BRPF3: variants seen among roughly 807,000 people sequenced by gnomAD.
The protein encoded by BRPF3 is bromodomain and PHD finger-containing protein 3.
Under a neutral mutation model 102.0 loss-of-function variants are expected in BRPF3, and 18 were observed. The ratio of observed to expected loss-of-function variants is 0.18; its 90% confidence interval spans 0.12 to 0.26. The LOEUF is 0.26. BRPF3 is among the 10% of genes least tolerant of loss of function. The pLI, the probability that BRPF3 is intolerant of heterozygous loss-of-function variation, is 1.00. For missense variants in BRPF3, 1,147 were observed against 1,567.8 expected (o/e 0.73, Z 4.53); for synonymous variants, 570 against 614.2 (o/e 0.93, Z 1.06).
In BRPF3 at chr6:36,210,144, G is replaced by A. The variant is rs1296486645; in HGVS notation, c.1867-72G>A. On this transcript the variant is annotated intron_variant, in intron 5 of 12. Transcript: ENST00000357641. The surrounding 1 kb of genome is among the most constrained non-coding windows in gnomAD (Gnocchi z 4.7). ...CCAAATCAGAAATTGAGGAGGCCAA[G>A]AGTATTGGTGAAGGGTGTGTCTGTT... is the stretch of plus-strand genomic sequence containing the variant. The A allele has an allele frequency of 1.9e-6, 3 of 1,560,854 alleles. No individual in the cohort carries two copies. Among genetic ancestry groups the A allele is most frequent in the Non-Finnish European group, 2.6e-6 (3 of 1,133,998 alleles).
Position 36,208,511 on chromosome 6 carries a change from C to T in BRPF3, c.1737+1067C>T, listed in dbSNP as rs943799810. ...AAAAAAGATGTTTCTTTCTCTTTCTCCAAATTCTAATTCAGTGGTCAGCCT... is the reference window on the plus strand; with the variant it reads ...AAAAAAGATGTTTCTTTCTCTTTCTTCAAATTCTAATTCAGTGGTCAGCCT... On this transcript the variant is annotated intron_variant, in intron 4 of 12. Coordinates refer to ENST00000357641, the MANE Select transcript of BRPF3 (RefSeq NM_015695.3). Among the ~76,000 whole-genome samples the T allele has an allele frequency of 4.6e-5, 7 of 152,336 alleles. No homozygotes were observed. In the East Asian group the frequency reaches 1.2e-3, roughly 25 times the overall value.
rs1768938000 is a variant in BRPF3 at position 36,231,447 on chromosome 6, C to G, written c.*838C>G. ...CTTTGCTGCCACGAGGTGGTCCAAG[C>G]CTTCAGGGTGGGCTCCTATCAGGCT... On this transcript the variant is annotated 3_prime_UTR_variant, in exon 13 of 13. Coordinates refer to ENST00000357641, the MANE Select transcript of BRPF3 (RefSeq NM_015695.3). 6.6e-6 allele frequency: 1 copy of G among 152,282 alleles called. No homozygotes were observed. The highest frequency in any genetic ancestry group is 2.4e-5 in the African/African-American group (1 of 41,436). The allele number at this position is 152,282 out of a possible 1,614,324, so 9.4% of individuals were successfully genotyped here.
chr6:36,217,024 C>T (rs1011619067), intron 8 of BRPF3, among the ~76,000 whole-genome samples: 13 of 152,178 alleles, frequency 8.5e-5, no homozygotes, highest in African/African-American at 2.9e-4. Flanking sequence ...GGCAACAGAG[C>T]GAGACCCTAT....
rs117256828 is a variant in BRPF3, at chr6:36,230,054, C to T, written c.3435-372C>T. On this transcript the variant is annotated intron_variant, in intron 12 of 12. Transcript: ENST00000357641. The surrounding 1 kb of genome is among the most constrained non-coding windows in gnomAD (Gnocchi z 5.4). ...GGCATCAGCTCTACTTCCTAGCCAT[C>T]GCCCCCTAATTCTCCAACGCAAGGC... 5.3e-4 allele frequency among the ~76,000 whole-genome samples: 81 copies of T among 152,320 alleles called. No homozygotes were observed. In the East Asian group the frequency reaches 0.012, roughly 23 times the overall value.
rs988832397 is a variant in BRPF3, at chr6:36,211,539, C to T, written c.2461C>T (p.Pro821Ser). 3.9e-6 allele frequency: 6 copies of T among 1,554,466 alleles called. No individual in the cohort carries two copies. Among genetic ancestry groups the T allele is most frequent in the Non-Finnish European group, 5.2e-6 (6 of 1,148,524 alleles). ...AVLEQALQEE[P>S]EDDGDRDDSK... The stretch of plus-strand genomic sequence containing the variant: ...GCTGGAGCAGGCCTTGCAGGAGGAG[C>T]CAGAAGACGATGGGGACAGAGGTGA... Residue 821 changes from proline to serine, a missense_variant, in exon 7 of 13, where the codon CCA (proline) becomes TCA (serine). Physicochemically the swap from Pro to Ser is moderately conservative, Grantham distance 74. Around this residue, in one of 11 missense-constraint regions of BRPF3, gnomAD observed 379 missense variants for 426.3 expected, o/e 0.89. Coordinates refer to ENST00000357641, the MANE Select transcript of BRPF3 (RefSeq NM_015695.3).
At chr6:36,229,392 A>G (rs568641075) in intron 12 of BRPF3, among the ~76,000 whole-genome samples, 2 of 152,310 alleles carry the variant, frequency 1.3e-5, no homozygotes, top group South Asian at 2.1e-4. Flanking sequence ...TGGCTCAACA[A>G]GATAAGAGAT....
intron 7 of BRPF3, among the ~76,000 whole-genome samples, chr6:36,211,954 T>G (rs1040491601): frequency 1.3e-5 from 2 of 152,136 alleles, no homozygotes; most frequent in South Asian, 2.1e-4. Context: ...CAGCCTACCT[T>G]GTAACATCAC....
chr6:36,230,461 G>A lies in BRPF3; in HGVS notation c.3470G>A (p.Gly1157Asp). 6.2e-7 allele frequency: 1 copy of A among 1,614,180 alleles called. No individual in the cohort carries two copies. The highest frequency in any genetic ancestry group is 8.5e-7 in the Non-Finnish European group (1 of 1,180,022). ...WLPRDKVLPL[G>D]VEDTVDKLKM... The stretch of plus-strand genomic sequence containing the variant: ...CCAAGGGACAAAGTCCTGCCCTTGG[G>A]TGTGGAAGACACCGTGGACAAGCTC... Residue 1157 changes from glycine (G) to aspartate (D), a missense_variant, in exon 13 of 13, where the codon GGT becomes GAT. Gly to Asp is a moderately conservative substitution (Grantham distance 94). Coordinates refer to ENST00000357641, the MANE Select transcript of BRPF3 (RefSeq NM_015695.3). This position sits in a 1 kb window ranked among gnomAD's most constrained non-coding sequence, Gnocchi z 5.4.
rs971421169 is a variant in BRPF3 at position 36,196,746 on chromosome 6, G to A, written c.-251G>A. ...CTCCCTCCCCTCGGCCGGGCTCCGT[G>A]GCGGCAGCGGCAGCAGCGGCGGCTC... is the stretch of plus-strand genomic sequence containing the variant. On this transcript the variant is annotated 5_prime_UTR_variant, in exon 1 of 13. Transcript: ENST00000357641. The A allele has an allele frequency of 6.5e-6, 1 of 153,102 alleles. No individual in the cohort carries two copies. The highest frequency in any genetic ancestry group is 6.6e-5 in the Admixed American group (1 of 15,164). The allele number at this position is 153,102 out of a possible 1,614,324, so 9.5% of individuals were successfully genotyped here.
In BRPF3 at chr6:36,209,776, C is replaced by T. The variant is rs767686704; in HGVS notation, c.1738-11C>T. ...ATGTTCTGATCTGATCTCACCCCAC[C>T]TTCCCCACAGGTCAAAGTCCAGCAG... On this transcript the variant is annotated splice_polypyrimidine_tract_variant and intron_variant, in intron 4 of 12. Transcript: ENST00000357641. 1.2e-6 allele frequency: 2 copies of T among 1,613,370 alleles called. No individual in the cohort carries two copies. The highest frequency in any genetic ancestry group is 1.7e-6 in the Non-Finnish European group (2 of 1,179,572).
At chr6:36,207,616 C>T (rs966408801) in intron 4 of BRPF3, among the ~76,000 whole-genome samples, 172 bp downstream of exon 4, 1 of 152,198 alleles carries the variant, frequency 6.6e-6, no homozygotes, top group Non-Finnish European at 1.5e-5. Context: ...TGTGGTGCTA[C>T]TGATGGTTTC....
At position 36,211,370 on chromosome 6, in the gene BRPF3, C is replaced by T. The variant is rs993864212; in HGVS notation, c.2292C>T (p.Arg764=). The T allele has an allele frequency of 6.2e-7, 1 of 1,614,250 alleles. No individual in the cohort carries two copies. Residue 764 remains arginine (R), a synonymous_variant, in exon 7 of 13, where the codon CGC becomes CGT. Transcript: ENST00000357641. ...LVSAMRSSGA[R]TRRVRLLRRE... ...GCGCCATGCGGTCCAGTGGGGCCCG[C>T]ACCCGTCGTGTCCGCCTGCTACGCC... is the stretch of plus-strand genomic sequence containing the variant.
intron 9 of BRPF3, among the ~76,000 whole-genome samples, chr6:36,220,211 A>C (rs767647953): frequency 2.3e-4 from 35 of 152,326 alleles, no homozygotes; most frequent in Admixed American, 5.2e-4. Context: ...TTGGTGTTGC[A>C]TCCTATTTTA....
Position 36,200,715 on chromosome 6 carries a change from C to A in BRPF3, c.393C>A (p.Pro131=). 1 of 1,614,160 alleles carries A rather than the reference C, an allele frequency of 6.2e-7. No homozygotes were observed. The part of the protein sequence containing the change: ...MVDSGIQPEA[P]PLPAAYYRYI... ...ACTCAGGCATCCAGCCAGAAGCACC[C>A]CCGCTGCCTGCTGCCTACTACCGCT... Residue 131 remains proline (P), a synonymous_variant, in exon 2 of 13, where the codon CCC becomes CCA. Coordinates refer to ENST00000357641, the MANE Select transcript of BRPF3 (RefSeq NM_015695.3). The surrounding 1 kb of genome is among the most constrained non-coding windows in gnomAD (Gnocchi z 5.3).
intron 2 of BRPF3, 43 bp from the exon 3 acceptor site, chr6:36,204,615 G>A (rs1450620671): frequency 4.3e-6 from 7 of 1,611,556 alleles, no homozygotes; most frequent in Non-Finnish European, 5.9e-6. Flanking sequence ...AATCTGGGCT[G>A]CCCACTGACC....
At chr6:36,203,902 G>A (rs1220114212) in intron 2 of BRPF3, among the ~76,000 whole-genome samples, 1 of 152,092 alleles carries the variant, frequency 6.6e-6, no homozygotes, top group East Asian at 1.9e-4. Context: ...TCCATCTTTT[G>A]TAAAATGGAA....
intron 4 of BRPF3, among the ~76,000 whole-genome samples, chr6:36,207,995 A>G (rs1767965330): frequency 6.6e-6 from 1 of 152,252 alleles, no homozygotes; most frequent in African/African-American, 2.4e-5. Flanking sequence ...TGCCTCTTCT[A>G]CAGACTACCT....
intron 2 of BRPF3, among the ~76,000 whole-genome samples, chr6:36,202,421 C>CCT (rs71540146): frequency 7.1e-6 from 1 of 140,740 alleles, no homozygotes; most frequent in Non-Finnish European, 1.6e-5. Context: ...CCCCCCCCCC[C>CCT]TCCGCCCCCG....
At chr6:36,222,382 A>G in intron 10 of BRPF3, 117 bp downstream of exon 10, 1 of 843,218 alleles carries the variant, frequency 1.2e-6, no homozygotes, top group Non-Finnish European at 1.9e-6. Context: ...GCTCCCCCAA[A>G]CTCTTGGGCC....
Sources: allele counts gnomAD v4.1 joint callset (sites outside exome capture counted in the v4.1 genomes callset), GRCh38; gene constraint gnomAD v4.1.1; regional missense constraint gnomAD v4.1.1; non-coding constraint Gnocchi (gnomAD v3.1); transcripts MANE v1.5; gene names NCBI Gene and HGNC (gene_info 2026-07-23, HGNC 2026-07-21).